The following ESR1 variants were observed in gnomAD, a reference collection of about 807,000 sequenced individuals.
ESR1 encodes the protein estrogen receptor.
In ESR1, 12 loss-of-function variants were observed where a neutral mutation model predicts 52.7. That is an observed-to-expected ratio of 0.23 (90% confidence interval 0.15 to 0.37). The LOEUF is 0.37. ESR1 is among the 10% of genes least tolerant of loss of function. The pLI is 1.00. For synonymous variants in ESR1, 305 were observed against 316.8 expected (o/e 0.96, Z 0.39); for missense variants, 584 against 779.7 (o/e 0.75, Z 2.99).
chr6:152,122,446 G>C, intron 6 of ESR1: 1 of 1,614,164 alleles, frequency 6.2e-7, no homozygotes, highest in South Asian at 1.1e-5. Flanking sequence ...TCAGAGTGGA[G>C]GAGGGCCATT....
downstream of ESR1, among the ~76,000 whole-genome samples, chr6:152,105,913 G>A (rs561699347): frequency 1.4e-3 from 203 of 146,652 alleles, no homozygotes; most frequent in Non-Finnish European, 1.8e-3. Context: ...TCAGCCTCCC[G>A]AGTAGCTGGG....
intron 2 of ESR1, among the ~76,000 whole-genome samples, chr6:151,719,284 G>A (rs1188607956): frequency 6.6e-6 from 1 of 152,154 alleles, no homozygotes; most frequent in Non-Finnish European, 1.5e-5. Flanking sequence ...TCAAAAGGTG[G>A]TAAATGCTAC....
At chr6:151,877,952 G>C (rs1792132446) in intron 2 of ESR1, among the ~76,000 whole-genome samples, 1 of 151,942 alleles carries the variant, frequency 6.6e-6, no homozygotes, top group East Asian at 1.9e-4. Flanking sequence ...TAGGATTACA[G>C]GCATGTGCCA....
chr6:151,990,109 T>C lies in ESR1; in HGVS notation c.1097-21547T>C, dbSNP rs190600339. On this transcript the variant is annotated intron_variant, in intron 4 of 7. Coordinates refer to ENST00000206249, the MANE Select transcript of ESR1 (RefSeq NM_000125.4). ...AATTACAATAAAAACATTTATAATG[T>C]TAATAAATATAAGTTTATTGAACTT... 4.1e-3 allele frequency among the ~76,000 whole-genome samples: 626 copies of C among 152,270 alleles called. 7 individuals are homozygous for C. Among genetic ancestry groups the C allele is most frequent in the African/African-American group, 0.014 (583 of 41,516 alleles).
upstream of ESR1, among the ~76,000 whole-genome samples, chr6:151,688,503 A>G (rs2941740): frequency 0.39 from 59,298 of 151,958 alleles, 11,920 homozygotes; most frequent in Non-Finnish European, 0.43. Context: ...CTACAAAGAT[A>G]CTTAAACTAG....
At chr6:151,902,133 G>C (rs1796783232) in intron 3 of ESR1, among the ~76,000 whole-genome samples, 3 of 152,168 alleles carry the variant, frequency 2.0e-5, no homozygotes. Flanking sequence ...TGACACAGGG[G>C]ATTTAAGATG....
intron 3 of ESR1, among the ~76,000 whole-genome samples, chr6:151,897,086 G>T (rs927854600): frequency 6.6e-6 from 1 of 152,020 alleles, no homozygotes; most frequent in Non-Finnish European, 1.5e-5. Context: ...TTTGACACTT[G>T]TTTGTGGCAT....
At chr6:151,758,403 G>C (rs535676385) in intron 2 of ESR1, among the ~76,000 whole-genome samples, 1 of 152,262 alleles carries the variant, frequency 6.6e-6, no homozygotes, top group South Asian at 2.1e-4. Flanking sequence ...TTTAGGATCA[G>C]AAAAATATAG....
At chr6:151,905,283 T>C (rs1425813761) in intron 3 of ESR1, among the ~76,000 whole-genome samples, 1 of 152,132 alleles carries the variant, frequency 6.6e-6, no homozygotes, top group Non-Finnish European at 1.5e-5. Context: ...AAAAGAGGTA[T>C]GGGCTGACAA....
At chr6:151,792,090 G>A (rs1357253491) in intron 2 of ESR1, among the ~76,000 whole-genome samples, 3 of 152,192 alleles carry the variant, frequency 2.0e-5, no homozygotes, top group African/African-American at 7.2e-5. Flanking sequence ...AACCTGTACA[G>A]CATGTTACTG....
intron 2 of ESR1, among the ~76,000 whole-genome samples, chr6:151,786,400 G>A (rs1181814888): frequency 3.9e-5 from 6 of 152,190 alleles, no homozygotes; most frequent in African/African-American, 1.4e-4. Flanking sequence ...TGGCAAAGGT[G>A]AGCTGGAGAC....
At chr6:151,722,365 C>CT (rs1781521185) in intron 2 of ESR1, among the ~76,000 whole-genome samples, 2 of 152,210 alleles carry the variant, frequency 1.3e-5, no homozygotes, top group Non-Finnish European at 2.9e-5. Flanking sequence ...ATTGAGAAGT[C>CT]CCTCATGGAA....
intron 4 of ESR1, among the ~76,000 whole-genome samples, chr6:151,977,882 T>G (rs972524624): frequency 6.8e-6 from 1 of 146,698 alleles, no homozygotes; most frequent in Admixed American, 7.0e-5. Context: ...TTCAAGTGTA[T>G]GCACCAACCC....
intron 6 of ESR1, among the ~76,000 whole-genome samples, chr6:152,117,638 C>T (rs1269542843): frequency 6.6e-6 from 1 of 152,210 alleles, no homozygotes; most frequent in East Asian, 1.9e-4. Context: ...CATTGTTCAG[C>T]TTGTGTTACA....
rs2046841682 is a variant in ESR1, at chr6:152,053,407, TC to T, written c.1236-7582del. Among the ~76,000 whole-genome samples, 1 of 152,058 alleles carries T rather than the reference TC, an allele frequency of 6.6e-6. No homozygotes were observed. Among genetic ancestry groups the T allele is most frequent in the African/African-American group, 2.4e-5 (1 of 41,380 alleles). ...CCTCTGCCAGTTTCTTGCCCCTTCC[TC>T]CTTCTGTCTCTCCCTCTCTCTTTCA... On this transcript the variant is annotated intron_variant, in intron 5 of 7. Coordinates refer to ENST00000206249, the MANE Select transcript of ESR1 (RefSeq NM_000125.4). The surrounding 1 kb of genome is among the most constrained non-coding windows in gnomAD (Gnocchi z 4.1).
At chr6:151,740,474 G>A (rs556602803) in intron 2 of ESR1, among the ~76,000 whole-genome samples, 52 of 151,714 alleles carry the variant, frequency 3.4e-4, no homozygotes, top group Non-Finnish European at 5.7e-4. Context: ...TATCTGAGCT[G>A]TGTCCTGGGC....
intron 1 of ESR1, among the ~76,000 whole-genome samples, chr6:151,833,514 A>G (rs1782786308): frequency 6.6e-6 from 1 of 152,108 alleles, no homozygotes; most frequent in Non-Finnish European, 1.5e-5. Context: ...CAGGTTTGCA[A>G]TGTGGAGGTG....
At chr6:151,772,133 A>G (rs1038268123) in intron 2 of ESR1, among the ~76,000 whole-genome samples, 85 of 152,338 alleles carry the variant, frequency 5.6e-4, no homozygotes, top group African/African-American at 2.0e-3. Flanking sequence ...CTAACAGGGC[A>G]GTACACACCC....
At chr6:151,684,723 A>G (rs533420334) in intron 1 of ESR1, among the ~76,000 whole-genome samples, 41 of 152,334 alleles carry the variant, frequency 2.7e-4, no homozygotes, top group Admixed American at 7.2e-4. Context: ...GCAACCTGCA[A>G]TTCTTTCTGG....
Sources: gnomAD v4.1 joint callset for allele counts (sites outside exome capture counted in the v4.1 genomes callset) on GRCh38, gnomAD v4.1.1 for gene constraint, Gnocchi (gnomAD v3.1) non-coding constraint, MANE v1.5 for transcripts, NCBI Gene and HGNC (gene_info 2026-07-23, HGNC 2026-07-21) for gene names.